GRXCR1: variants seen among roughly 807,000 people sequenced by gnomAD.
GRXCR1 encodes the protein glutaredoxin and cysteine rich domain containing 1.
A neutral mutation model predicts 27.3 loss-of-function variants in GRXCR1; 27 were observed. The ratio of observed to expected loss-of-function variants is 0.99; its 90% CI spans 0.73 to 1.37. The LOEUF (loss-of-function observed/expected upper bound fraction) is 1.37, where lower values mean the gene tolerates loss of function less well. GRXCR1 is among the 40% of genes most tolerant of loss of function. The probability of loss-of-function intolerance (pLI) is 0.00; values close to 1 mark genes in which losing one functional copy is unlikely to be tolerated. For synonymous variants in GRXCR1, 122 were observed against 131.1 expected, an observed-to-expected ratio of 0.93 and a Z score of 0.47; for missense variants, 379 against 354.4, an observed-to-expected ratio of 1.07 and a Z score of -0.56.
At chr4:42,935,897 G>A (rs1299305392) in intron 1 of GRXCR1, among the ~76,000 whole-genome samples, 1 of 151,914 alleles carries the variant, frequency 6.6e-6, no homozygotes, top group Non-Finnish European at 1.5e-5. Context: ...ACTCTGGGAT[G>A]TTCCAGTCTT....
chr4:42,900,447 A>G (rs868457017), intron 1 of GRXCR1, among the ~76,000 whole-genome samples: 2 of 152,178 alleles, frequency 1.3e-5, no homozygotes, highest in African/African-American at 2.4e-5. Flanking sequence ...AAATAATAGG[A>G]GTATTCCCTT....
intron 1 of GRXCR1, among the ~76,000 whole-genome samples, chr4:42,907,640 C>G (rs535608128): frequency 6.6e-6 from 1 of 152,260 alleles, no homozygotes; most frequent in South Asian, 2.1e-4. Context: ...CATATTTCTC[C>G]CTGCTCCTTA....
intron 1 of GRXCR1, among the ~76,000 whole-genome samples, chr4:42,937,004 T>G (rs1398412473): frequency 6.6e-6 from 1 of 151,900 alleles, no homozygotes; most frequent in East Asian, 1.9e-4. Flanking sequence ...AAAGAAGTCA[T>G]TCAGCTCACA....
At chr4:42,968,790 CA>C (rs1322149223) in intron 2 of GRXCR1, among the ~76,000 whole-genome samples, 1 of 151,608 alleles carries the variant, frequency 6.6e-6, no homozygotes, top group Non-Finnish European at 1.5e-5. Flanking sequence ...TTTATTTTTT[CA>C]GGAATCTCAC....
chr4:42,993,254 T>C (rs1211001393), intron 2 of GRXCR1, among the ~76,000 whole-genome samples: 7 of 152,114 alleles, frequency 4.6e-5, no homozygotes, highest in Non-Finnish European at 1.5e-5. Flanking sequence ...TGAAAAACAT[T>C]CCCTTTATTC....
At chr4:42,941,542 A>G (rs981539724) in intron 1 of GRXCR1, among the ~76,000 whole-genome samples, 4 of 152,004 alleles carry the variant, frequency 2.6e-5, no homozygotes, top group African/African-American at 9.7e-5. Context: ...CAGCTCCTGA[A>G]AAACCTTTCA....
intron 2 of GRXCR1, among the ~76,000 whole-genome samples, chr4:43,001,810 T>C (rs961336348): frequency 4.7e-5 from 7 of 150,448 alleles, no homozygotes; most frequent in Non-Finnish European, 8.8e-5. Flanking sequence ...GTTCCCTCAG[T>C]TTTTATTGAT....
At chr4:42,904,573 A>G (rs901324505) in intron 1 of GRXCR1, among the ~76,000 whole-genome samples, 1 of 152,302 alleles carries the variant, frequency 6.6e-6, no homozygotes. Flanking sequence ...CTTATCTTCT[A>G]TAAATCTTAG....
At chr4:43,013,448 A>C (rs1431569427) in intron 2 of GRXCR1, among the ~76,000 whole-genome samples, 2 of 152,142 alleles carry the variant, frequency 1.3e-5, no homozygotes, top group East Asian at 1.9e-4. Context: ...CATGGACATA[A>C]AGATGGCAAC....
intron 2 of GRXCR1, among the ~76,000 whole-genome samples, chr4:42,987,222 T>TTATATATTA (rs1553943897): frequency 7.0e-5 from 7 of 100,594 alleles, no homozygotes; most frequent in African/African-American, 2.3e-4. Flanking sequence ...TATATATATA[T>TTATATATTA]TATATATTAT....
At chr4:42,927,439 A>G (rs1220229399) in intron 1 of GRXCR1, among the ~76,000 whole-genome samples, 2 of 152,036 alleles carry the variant, frequency 1.3e-5, no homozygotes, top group Non-Finnish European at 2.9e-5. Flanking sequence ...GGCATCTGAC[A>G]GTATGTAACC....
At chr4:42,964,263 C>G (rs78486934) in intron 2 of GRXCR1, among the ~76,000 whole-genome samples, 4,661 of 152,026 alleles carry the variant, frequency 0.031, 79 homozygotes, top group South Asian at 0.058. Flanking sequence ...GTAATAATAA[C>G]ACTCTACTGC....
chr4:42,997,552 G>C (rs1467187524), intron 2 of GRXCR1, among the ~76,000 whole-genome samples: 1 of 152,162 alleles, frequency 6.6e-6, no homozygotes, highest in Non-Finnish European at 1.5e-5. Context: ...AGATAGCAAA[G>C]GACTTGCTCA....
intron 2 of GRXCR1, among the ~76,000 whole-genome samples, chr4:42,963,485 T>C (rs940420892): frequency 1.3e-5 from 2 of 152,002 alleles, no homozygotes; most frequent in Non-Finnish European, 1.5e-5. Flanking sequence ...AAGATATATA[T>C]TTATAAATTC....
chr4:42,927,115 C>G (rs1001645810), intron 1 of GRXCR1, among the ~76,000 whole-genome samples: 2 of 151,986 alleles, frequency 1.3e-5, no homozygotes, highest in African/African-American at 4.8e-5. Context: ...TCTTAAAGAG[C>G]ATTTGTTGGT....
intron 2 of GRXCR1, among the ~76,000 whole-genome samples, chr4:42,991,223 G>C (rs901760728): frequency 6.6e-6 from 1 of 151,640 alleles, no homozygotes; most frequent in African/African-American, 2.4e-5. Flanking sequence ...TTCTTTTCTT[G>C]TTAATTTTGG....
At chr4:43,001,854 A>AGAAG (rs3047830) in intron 2 of GRXCR1, among the ~76,000 whole-genome samples, 127,669 of 151,848 alleles carry the variant, frequency 0.84, 54,168 homozygotes, top group East Asian at 0.99. Context: ...AAAGGAATGT[A>AGAAG]GAGAGCAGGG....
At chr4:42,948,326 T>C (rs1747795890) in intron 1 of GRXCR1, among the ~76,000 whole-genome samples, 1 of 152,062 alleles carries the variant, frequency 6.6e-6, no homozygotes. Context: ...AGGCAAATTA[T>C]CTCCCCTTCT....
chr4:42,999,801 C>G (rs1712290920), intron 2 of GRXCR1, among the ~76,000 whole-genome samples: 1 of 152,184 alleles, frequency 6.6e-6, no homozygotes, highest in Non-Finnish European at 1.5e-5. Context: ...TTGATGCAGC[C>G]TAAAGTACAT....
Sources: allele counts gnomAD v4.1 joint callset (sites outside exome capture counted in the v4.1 genomes callset), GRCh38; gene constraint gnomAD v4.1.1; transcripts MANE v1.5; gene names NCBI Gene and HGNC (gene_info 2026-07-23, HGNC 2026-07-21).